PCDHAC1: variants seen among roughly 807,000 people sequenced by gnomAD.
The protein encoded by PCDHAC1 is protocadherin alpha-C1.
In PCDHAC1, 42 loss-of-function variants were observed where a neutral mutation model predicts 60.0. That is an observed-to-expected ratio of 0.70 (90% CI 0.55 to 0.90). The LOEUF (loss-of-function observed/expected upper bound fraction) is 0.90, where lower values mean the gene tolerates loss of function less well. Ranked by LOEUF, PCDHAC1 falls within the 40% of genes least tolerant of loss-of-function variation. PCDHAC1 has a pLI of 0.00. For missense variants in PCDHAC1, 1,160 were observed against 1,222.3 expected (o/e 0.95, Z 0.76); for synonymous variants, 468 against 499.3 (o/e 0.94, Z 0.84).
At chr5:140,958,796 T>C (rs2095443333) in intron 1 of PCDHAC1, among the ~76,000 whole-genome samples, 2 of 152,182 alleles carry the variant, frequency 1.3e-5, no homozygotes, top group Admixed American at 6.5e-5. Context: ...TCTAGTAAAT[T>C]ATCACACCAT....
intron 1 of PCDHAC1, chr5:140,967,197 AC>A: frequency 6.2e-7 from 1 of 1,613,542 alleles, no homozygotes; most frequent in Non-Finnish European, 8.5e-7. Context: ...ATCAACGACA[AC>A]TCACCGCGTT....
chr5:140,954,782 C>T (rs894049284), intron 1 of PCDHAC1, among the ~76,000 whole-genome samples: 3 of 152,128 alleles, frequency 2.0e-5, no homozygotes, highest in Non-Finnish European at 4.4e-5. Context: ...TTAATTAGAT[C>T]TCATTTGTCA....
At chr5:140,944,304 C>T (rs1383475197) in intron 1 of PCDHAC1, among the ~76,000 whole-genome samples, 1 of 152,162 alleles carries the variant, frequency 6.6e-6, no homozygotes, top group Non-Finnish European at 1.5e-5. Context: ...CCTCCTACCT[C>T]AGCCTCCTGA....
chr5:140,936,545 G>A (rs1456098221), intron 1 of PCDHAC1, among the ~76,000 whole-genome samples: 1 of 152,202 alleles, frequency 6.6e-6, no homozygotes, highest in African/African-American at 2.4e-5. Context: ...ATAGTGCAAT[G>A]TAGAAGTCAA....
chr5:140,965,316 T>C (rs1411473254), intron 1 of PCDHAC1, among the ~76,000 whole-genome samples: 2 of 152,200 alleles, frequency 1.3e-5, no homozygotes, highest in Admixed American at 6.5e-5. Context: ...CCTTCTCTTT[T>C]ACTGAAGTGA....
intron 1 of PCDHAC1, among the ~76,000 whole-genome samples, chr5:140,937,867 G>A (rs1009502911): frequency 7.9e-5 from 12 of 151,142 alleles, no homozygotes; most frequent in African/African-American, 1.2e-4. Flanking sequence ...AGCCGAGATC[G>A]CGCCACTGCA....
rs782091835 is a variant in PCDHAC1 at position 140,927,306 on chromosome 5, G to T, written c.414G>T (p.Thr138=). 10 of 1,614,040 alleles carry T rather than the reference G, an allele frequency of 6.2e-6. No homozygotes were observed. The highest frequency in any genetic ancestry group is 5.9e-6 in the Non-Finnish European group (7 of 1,180,040). ...AGCTGCACATCCCCGAGTTCCTGAC[G>T]CCCGGAGCCCGCTTTACTCTCCCGA... ...DVQLHIPEFL[T]PGARFTLPNA... is the part of the protein sequence containing the mutation. Residue 138 remains threonine (T), a synonymous_variant, in exon 1 of 4, where the codon ACG becomes ACT. Coordinates refer to ENST00000253807, the MANE Select transcript of PCDHAC1 (RefSeq NM_018898.5).
At chr5:140,969,087 T>C (rs146741684) in intron 1 of PCDHAC1, 741 of 1,613,920 alleles carry the variant, frequency 4.6e-4, no homozygotes, top group Non-Finnish European at 5.8e-4. Flanking sequence ...GGCCTCAAAG[T>C]GCAGCCTCAC....
chr5:140,926,483 A>C lies in PCDHAC1; in HGVS notation c.-410A>C, dbSNP rs1261469017. 2.4e-5 allele frequency: 4 copies of C among 168,788 alleles called. No individual in the cohort carries two copies. The highest frequency in any genetic ancestry group is 1.7e-4 in the East Asian group (1 of 5,874). The allele number at this position is 168,788 out of a possible 1,614,324, so 10.5% of individuals were successfully genotyped here. A position where few individuals can be genotyped will look rare whatever the true frequency, so the allele number is the denominator to read the frequency against. On this transcript the variant is annotated 5_prime_UTR_variant, in exon 1 of 4. Transcript: ENST00000253807. ...CTAGAAAACACCGTTTAAGGAGAGAAGTGTTAGTGTCTCGGGGCGTCTCCC... is the reference window on the plus strand; with the variant it reads ...CTAGAAAACACCGTTTAAGGAGAGACGTGTTAGTGTCTCGGGGCGTCTCCC...
At chr5:140,978,283 G>A (rs1355729190) in intron 1 of PCDHAC1, among the ~76,000 whole-genome samples, 3 of 152,200 alleles carry the variant, frequency 2.0e-5, no homozygotes, top group South Asian at 2.1e-4. Context: ...CAGTGATTCA[G>A]TGAGGAGGGA....
At chr5:140,999,004 A>T (rs2097842745) in intron 3 of PCDHAC1, among the ~76,000 whole-genome samples, 1 of 152,258 alleles carries the variant, frequency 6.6e-6, no homozygotes, top group South Asian at 2.1e-4. Flanking sequence ...GCTGGAGCTG[A>T]GATTTGAACC....
At chr5:140,940,055 C>G (rs1179353318) in intron 1 of PCDHAC1, among the ~76,000 whole-genome samples, 1 of 152,064 alleles carries the variant, frequency 6.6e-6, no homozygotes, top group Non-Finnish European at 1.5e-5. Context: ...GATTCTTAAC[C>G]AAATATAAAT....
Position 141,010,422 on chromosome 5 carries a change from G to A in PCDHAC1, c.*485G>A. The A allele has an allele frequency of 8.7e-7, 1 of 1,145,442 alleles. No homozygotes were observed. Among genetic ancestry groups the A allele is most frequent in the Non-Finnish European group, 1.2e-6 (1 of 836,490 alleles). The allele number at this position is 1,145,442 out of a possible 1,614,324, so 71.0% of individuals were successfully genotyped here. A position where few individuals can be genotyped will look rare whatever the true frequency, so the allele number is the denominator to read the frequency against. On this transcript the variant is annotated 3_prime_UTR_variant, in exon 4 of 4. Transcript: ENST00000253807. ...AGCTTAGACTAATTGGTACAAGGAA[G>A]GCAAGAAAACAAAGACAAATAAACA... is the stretch of plus-strand genomic sequence containing the variant.
chr5:141,008,871 C>T (rs1249220900), intron 3 of PCDHAC1, among the ~76,000 whole-genome samples: 2 of 152,168 alleles, frequency 1.3e-5, no homozygotes, highest in African/African-American at 4.8e-5. Context: ...TGCTGCATCC[C>T]ACCACCCTTC....
At chr5:140,948,305 T>C (rs1554218512) in intron 1 of PCDHAC1, among the ~76,000 whole-genome samples, 1 of 151,622 alleles carries the variant, frequency 6.6e-6, no homozygotes, top group African/African-American at 2.4e-5. Context: ...ATATCTTTTC[T>C]TCTTGAGGGG....
chr5:140,929,413 A>G, intron 1 of PCDHAC1, 88 bp downstream of exon 1: 1 of 1,505,438 alleles, frequency 6.6e-7, no homozygotes, highest in Non-Finnish European at 8.9e-7. Context: ...AGCCTTTCAC[A>G]ACATTTCATC....
At chr5:140,984,295 A>C (rs1195087908) in intron 3 of PCDHAC1, among the ~76,000 whole-genome samples, 3 of 152,208 alleles carry the variant, frequency 2.0e-5, no homozygotes, top group African/African-American at 7.2e-5. Flanking sequence ...CCCATTGGTG[A>C]TGCTGGTTGG....
chr5:140,932,875 T>G (rs935730456), intron 1 of PCDHAC1, among the ~76,000 whole-genome samples: 9 of 151,998 alleles, frequency 5.9e-5, no homozygotes, highest in African/African-American at 1.7e-4. Flanking sequence ...TTTGTTGTCT[T>G]CAATATTTTC....
intron 1 of PCDHAC1, among the ~76,000 whole-genome samples, chr5:140,941,202 C>CCTTTCTTCCTTCCTTTCTTTCTTTCTTT (rs1394736170): frequency 4.9e-5 from 6 of 122,740 alleles, no homozygotes; most frequent in Admixed American, 1.7e-4. Context: ...TTTCTTTCTT[C>CCTTTCTTCCTTCCTTTCTTTCTTTCTTT]CTTTCTTTCT....
Sources: allele counts gnomAD v4.1 joint callset (sites outside exome capture counted in the v4.1 genomes callset), GRCh38; gene constraint gnomAD v4.1.1; transcripts MANE v1.5; gene names NCBI Gene and HGNC (gene_info 2026-07-23, HGNC 2026-07-21).